Variants in TNPO1 observed in about 807,000 individuals in gnomAD.
The protein encoded by TNPO1 is transportin-1.
In TNPO1, 8 loss-of-function variants were observed where a neutral mutation model predicts 119.5. The observed-to-expected ratio is 0.07, with a 90% CI of 0.04 to 0.12. The LOEUF (loss-of-function observed/expected upper bound fraction) is 0.12. Among genes scored for constraint, TNPO1 ranks in the 10% least tolerant of loss-of-function variants. TNPO1 has a pLI of 1.00. For missense variants in TNPO1, 576 were observed against 1,089.8 expected (o/e 0.53, Z 6.64); for synonymous variants, 362 against 363.0 (o/e 1.00, Z 0.03).
intron 1 of TNPO1, among the ~76,000 whole-genome samples, chr5:72,819,756 A>G (rs1351728419): frequency 6.6e-6 from 1 of 152,230 alleles, no homozygotes; most frequent in Non-Finnish European, 1.5e-5. Flanking sequence ...CTTTGGAGCC[A>G]CACTATTTGG....
At chr5:72,866,327 AATGT>A in intron 6 of TNPO1, among the ~76,000 whole-genome samples, 1 of 152,318 alleles carries the variant, frequency 6.6e-6, no homozygotes, top group African/African-American at 2.4e-5. Context: ...ACATTATAAT[AATGT>A]TGTTATTTCT....
rs982054606 is a variant in TNPO1 at position 72,911,919 on chromosome 5, CAG to C, written c.*3248_*3249del. On this transcript the variant is annotated 3_prime_UTR_variant, in exon 25 of 25. Coordinates refer to ENST00000337273, the MANE Select transcript of TNPO1 (RefSeq NM_002270.4). The stretch of plus-strand genomic sequence containing the variant: ...GCTGCTGATCAACCTAAGTTGGAAA[CAG>C]AAAGTGTAATTAATATAACTTAAAT... The C allele has an allele frequency of 3.9e-5, 6 of 152,550 alleles. No individual in the cohort carries two copies. The highest frequency in any genetic ancestry group is 7.4e-5 in the Non-Finnish European group (5 of 67,916). The allele number at this position is 152,550 out of a possible 1,614,324, so 9.4% of individuals were successfully genotyped here. A position where few individuals can be genotyped will look rare whatever the true frequency, so the allele number is the denominator to read the frequency against.
rs1269698625 is a variant in TNPO1, at chr5:72,910,177, C to T, written c.*1504C>T. The T allele has an allele frequency of 6.6e-6, 1 of 152,612 alleles. No individual in the cohort carries two copies. Among genetic ancestry groups the T allele is most frequent in the Non-Finnish European group, 1.5e-5 (1 of 68,018 alleles). 9.5% of individuals were successfully genotyped at this position (152,612 alleles called of 1,614,324 possible). ...TATTTTGGCGCATGTTGGTGGCCCT[C>T]TGTGCCCTAGATATATGCACACAGG... On this transcript the variant is annotated 3_prime_UTR_variant, in exon 25 of 25. Coordinates refer to ENST00000337273, the MANE Select transcript of TNPO1 (RefSeq NM_002270.4).
At chr5:72,846,546 T>C (rs1173493561) in intron 1 of TNPO1, among the ~76,000 whole-genome samples, 2 of 152,240 alleles carry the variant, frequency 1.3e-5, no homozygotes, top group African/African-American at 2.4e-5. Context: ...ACTTGTCTTA[T>C]ACAACCATGT....
chr5:72,850,723 T>TTA (rs1212046353), intron 2 of TNPO1, among the ~76,000 whole-genome samples: 1 of 152,226 alleles, frequency 6.6e-6, no homozygotes, highest in Non-Finnish European at 1.5e-5. Context: ...AATGCTGACT[T>TTA]TATAATAAGA....
At chr5:72,882,131 CTA>C (rs1306774904) in intron 9 of TNPO1, among the ~76,000 whole-genome samples, 1 of 152,134 alleles carries the variant, frequency 6.6e-6, no homozygotes, top group African/African-American at 2.4e-5. Context: ...AAATATAGCT[CTA>C]TGTATTGTAA....
At chr5:72,840,148 T>C (rs1029098487) in intron 1 of TNPO1, among the ~76,000 whole-genome samples, 2 of 152,156 alleles carry the variant, frequency 1.3e-5, no homozygotes, top group Non-Finnish European at 2.9e-5. Context: ...CTGCCCACTG[T>C]TAAGTTCTCT....
chr5:72,879,277 G>A (rs1748051981), intron 9 of TNPO1: 1 of 161,010 alleles, frequency 6.2e-6, no homozygotes, highest in Admixed American at 6.4e-5. Context: ...TTTTATTAAT[G>A]AAAACCTAGG....
intron 7 of TNPO1, among the ~76,000 whole-genome samples, chr5:72,874,436 A>G (rs1410385630): frequency 6.6e-5 from 10 of 152,162 alleles, no homozygotes; most frequent in Non-Finnish European, 1.5e-4. Flanking sequence ...ATGCAAGATG[A>G]TGGCATTGGG....
rs35315909 is a variant in TNPO1 at position 72,909,120 on chromosome 5, CTTT to C, written c.*460_*462del. The stretch of plus-strand genomic sequence containing the variant: ...ATGGGAGTTACAAATAGTAAAGAAG[CTTT>C]TTTTTTTTTTTTAATTTAAAGTTTT... On this transcript the variant is annotated 3_prime_UTR_variant, in exon 25 of 25. Coordinates refer to ENST00000337273, the MANE Select transcript of TNPO1 (RefSeq NM_002270.4). The C allele has an allele frequency of 1.6e-4, 24 of 145,456 alleles. No individual in the cohort carries two copies. Among genetic ancestry groups the C allele is most frequent in the South Asian group, 8.5e-4 (4 of 4,710 alleles). 9.0% of individuals were successfully genotyped at this position (145,456 alleles called of 1,614,324 possible). A position where few individuals can be genotyped will look rare whatever the true frequency, so the allele number is the denominator to read the frequency against.
chr5:72,912,034 T>G lies in TNPO1; in HGVS notation c.*3361T>G, dbSNP rs1319146445. The G allele has an allele frequency of 6.6e-6, 1 of 152,526 alleles. No homozygotes were observed. The highest frequency in any genetic ancestry group is 1.5e-5 in the Non-Finnish European group (1 of 67,946). The allele number at this position is 152,526 out of a possible 1,614,324, so 9.4% of individuals were successfully genotyped here. A position where few individuals can be genotyped will look rare whatever the true frequency, so the allele number is the denominator to read the frequency against. On this transcript the variant is annotated 3_prime_UTR_variant, in exon 25 of 25. Coordinates refer to ENST00000337273, the MANE Select transcript of TNPO1 (RefSeq NM_002270.4). ...TTTATTCAGGAAAGAATTTTGCTTT[T>G]TGTATTGTCTAATCTCTTCAATGAC...
intron 1 of TNPO1, among the ~76,000 whole-genome samples, chr5:72,830,314 G>A (rs59435184): frequency 0.12 from 18,133 of 152,174 alleles, 1,280 homozygotes; most frequent in Non-Finnish European, 0.17. Flanking sequence ...TTGCTCAGCA[G>A]CTAGGGCAAA....
chr5:72,849,221 T>G (rs1745361174), intron 2 of TNPO1, among the ~76,000 whole-genome samples: 1 of 152,160 alleles, frequency 6.6e-6, no homozygotes, highest in South Asian at 2.1e-4. Flanking sequence ...TGTGCTGGTG[T>G]AGTGATCCTG....
chr5:72,844,762 C>T (rs913952704), intron 1 of TNPO1, among the ~76,000 whole-genome samples: 5 of 152,266 alleles, frequency 3.3e-5, no homozygotes, highest in South Asian at 2.1e-4. Flanking sequence ...AGAATTCAAA[C>T]GTGGTCAGTT....
At position 72,910,342 on chromosome 5, in the gene TNPO1, A is replaced by G. The variant is rs1406504156; in HGVS notation, c.*1669A>G. 1.3e-5 allele frequency: 2 copies of G among 152,500 alleles called. No individual in the cohort carries two copies. Among genetic ancestry groups the G allele is most frequent in the Non-Finnish European group, 2.9e-5 (2 of 67,994 alleles). The allele number at this position is 152,500 out of a possible 1,614,324, so 9.4% of individuals were successfully genotyped here. Reference sequence around the variant, plus strand: ...AAGTTAACCCTTTACTTTTCCTTCCATGTGTATTTTCTTATATACTGTGAA... The same window carrying G: ...AAGTTAACCCTTTACTTTTCCTTCCGTGTGTATTTTCTTATATACTGTGAA... On this transcript the variant is annotated 3_prime_UTR_variant, in exon 25 of 25. Coordinates refer to ENST00000337273, the MANE Select transcript of TNPO1 (RefSeq NM_002270.4).
At chr5:72,901,180 C>T (rs1749773153) in intron 22 of TNPO1, 107 bp downstream of exon 22, 11 of 639,214 alleles carry the variant, frequency 1.7e-5, no homozygotes, top group Non-Finnish European at 2.0e-5. Flanking sequence ...TCAAAGGTAT[C>T]AAAATACAGT....
chr5:72,853,824 A>G (rs1350966284), intron 3 of TNPO1, among the ~76,000 whole-genome samples: 1 of 152,190 alleles, frequency 6.6e-6, no homozygotes, highest in Non-Finnish European at 1.5e-5. Flanking sequence ...GTAGAGTAAA[A>G]TTTTTGATCT....
chr5:72,891,464 C>CA (rs1051376608), intron 14 of TNPO1, among the ~76,000 whole-genome samples: 3 of 151,242 alleles, frequency 2.0e-5, no homozygotes, highest in Admixed American at 6.6e-5. Flanking sequence ...GACTCCGTCT[C>CA]AAAAAAAAGA....
Position 72,883,141 on chromosome 5 carries a change from G to A in TNPO1, c.1059G>A (p.Val353=). The change falls in exon 11 of 25, where the codon GTG becomes GTA. Residue 353 remains valine (V), a synonymous_variant. Transcript: ENST00000337273. The part of the protein sequence containing the change: ...IRPRFHRSRT[V]AQQHDEDGIE... The stretch of plus-strand genomic sequence containing the variant: ...CACGTTTTCACCGATCGAGGACGGT[G>A]GCTCAGCAGCATGATGAAGATGGAA... 6.2e-7 allele frequency: 1 copy of A among 1,614,076 alleles called. No individual in the cohort carries two copies. The highest frequency in any genetic ancestry group is 1.1e-5 in the South Asian group (1 of 91,082).
Sources: gnomAD v4.1 joint callset for allele counts (sites outside exome capture counted in the v4.1 genomes callset) on GRCh38, gnomAD v4.1.1 for gene constraint, MANE v1.5 for transcripts, NCBI Gene and HGNC (gene_info 2026-07-23, HGNC 2026-07-21) for gene names.